RBFOX1: variants seen among roughly 807,000 people sequenced by gnomAD.
The protein encoded by RBFOX1 is RNA binding fox-1 homolog 1.
RBFOX1 carries 8 observed loss-of-function variants against 57.7 expected under a neutral mutation model. The ratio of observed to expected loss-of-function variants is 0.14; its 90% confidence interval spans 0.08 to 0.25. RBFOX1 has a LOEUF of 0.25. Among genes scored for constraint, RBFOX1 ranks in the 10% least tolerant of loss-of-function variants. RBFOX1 has a pLI of 1.00. For synonymous variants in RBFOX1, 326 were observed against 222.4 expected (o/e 1.47, Z -4.15); for missense variants, 611 against 548.5 (o/e 1.11, Z -1.14).
chr16:6,199,453 C>T (rs959636634), intron 1 of RBFOX1, among the ~76,000 whole-genome samples: 10 of 152,112 alleles, frequency 6.6e-5, no homozygotes, highest in Non-Finnish European at 1.5e-5. Context: ...TGTGTCTTTC[C>T]AGGATGAATC....
chr16:6,691,521 G>C (rs2060204949), intron 3 of RBFOX1, among the ~76,000 whole-genome samples: 1 of 151,972 alleles, frequency 6.6e-6, no homozygotes, highest in Non-Finnish European at 1.5e-5. Flanking sequence ...CTGAGTAAAT[G>C]CGTTTCGCAG....
chr16:7,604,514 T>C (rs960760424), intron 9 of RBFOX1, among the ~76,000 whole-genome samples: 1 of 152,192 alleles, frequency 6.6e-6, no homozygotes, highest in African/African-American at 2.4e-5. Flanking sequence ...TTTATTTTTT[T>C]ATGAAGAGAT....
chr16:7,308,696 C>G (rs1409273583), intron 4 of RBFOX1, among the ~76,000 whole-genome samples: 2 of 152,196 alleles, frequency 1.3e-5, no homozygotes, highest in Non-Finnish European at 2.9e-5. Context: ...ACCTGCATAT[C>G]AACCCTTTCT....
At chr16:5,778,939 AT>A (rs969022082) in intron 3 of RBFOX1, among the ~76,000 whole-genome samples, 4 of 152,106 alleles carry the variant, frequency 2.6e-5, no homozygotes, top group South Asian at 2.1e-4. Context: ...AAAGCACTCA[AT>A]TTTTTTTATT....
At chr16:7,069,789 C>G (rs947840473) in intron 4 of RBFOX1, among the ~76,000 whole-genome samples, 2 of 152,110 alleles carry the variant, frequency 1.3e-5, no homozygotes, top group Non-Finnish European at 2.9e-5. Context: ...TGGGCACTTG[C>G]TCGTTAACAA....
intron 2 of RBFOX1, among the ~76,000 whole-genome samples, chr16:5,543,238 G>C (rs2045040280): frequency 6.6e-6 from 1 of 152,088 alleles, no homozygotes; most frequent in Non-Finnish European, 1.5e-5. Context: ...AAAATGAGTA[G>C]AAACATGTAT....
At chr16:6,315,935 A>G (rs543019188) in intron 1 of RBFOX1, among the ~76,000 whole-genome samples, 16 of 152,336 alleles carry the variant, frequency 1.1e-4, no homozygotes, top group African/African-American at 3.6e-4. Flanking sequence ...ATATCTGTAT[A>G]TCTATATATC....
At chr16:7,110,012 G>A (rs2064369160) in intron 4 of RBFOX1, among the ~76,000 whole-genome samples, 1 of 152,032 alleles carries the variant, frequency 6.6e-6, no homozygotes, top group Non-Finnish European at 1.5e-5. Context: ...CTTACAGGGA[G>A]GAGGAGTTAT....
chr16:6,808,915 G>A (rs2087674091), intron 3 of RBFOX1, among the ~76,000 whole-genome samples: 3 of 152,240 alleles, frequency 2.0e-5, no homozygotes, highest in Middle Eastern at 3.4e-3. Context: ...AGATGTTAAC[G>A]CAAACTAAAT....
At chr16:7,238,042 G>A (rs963460346) in intron 4 of RBFOX1, among the ~76,000 whole-genome samples, 2 of 152,210 alleles carry the variant, frequency 1.3e-5, no homozygotes, top group African/African-American at 4.8e-5. Context: ...CTACAACATA[G>A]ATGAACCTTG....
intron 2 of RBFOX1, among the ~76,000 whole-genome samples, chr16:6,516,153 C>G (rs369561390): frequency 6.6e-6 from 1 of 152,104 alleles, no homozygotes; most frequent in African/African-American, 2.4e-5. Flanking sequence ...TTCAGCCTCC[C>G]GAGTAGCTGG....
At chr16:5,611,757 TCTTTTCAGTCTC>T (rs2047810829) in intron 3 of RBFOX1, among the ~76,000 whole-genome samples, 1 of 125,512 alleles carries the variant, frequency 8.0e-6, no homozygotes, top group Admixed American at 8.0e-5. Context: ...CATTCACCCT[TCTTTTCAGTCTC>T]CCATCCATCC....
intron 4 of RBFOX1, among the ~76,000 whole-genome samples, chr16:5,979,417 A>G (rs1359825710): frequency 1.3e-5 from 2 of 152,226 alleles, no homozygotes; most frequent in African/African-American, 2.4e-5. Flanking sequence ...CAAGAGAGGA[A>G]ACATTCATTC....
chr16:6,454,266 A>C (rs1863583366), intron 2 of RBFOX1, among the ~76,000 whole-genome samples: 1 of 152,138 alleles, frequency 6.6e-6, no homozygotes, highest in African/African-American at 2.4e-5. Flanking sequence ...CAGGATAGAA[A>C]ATTTTTATAA....
intron 4 of RBFOX1, among the ~76,000 whole-genome samples, chr16:7,202,298 T>TA (rs35437762): frequency 0.34 from 44,190 of 131,512 alleles, 7,651 homozygotes; most frequent in East Asian, 0.54. Context: ...TGGCTGCAAA[T>TA]AAAAAAAAAA....
At chr16:7,483,384 T>C (rs1392310659) in intron 4 of RBFOX1, among the ~76,000 whole-genome samples, 1 of 152,228 alleles carries the variant, frequency 6.6e-6, no homozygotes, top group Admixed American at 6.5e-5. Context: ...TTATCTCTTC[T>C]AGATTCATTT....
At chr16:5,682,392 A>C (rs558679923) in intron 3 of RBFOX1, among the ~76,000 whole-genome samples, 209 of 152,270 alleles carry the variant, frequency 1.4e-3, no homozygotes, top group African/African-American at 4.7e-3. Flanking sequence ...CGATGGAAAG[A>C]CACCTGGAAA....
chr16:5,993,573 A>G (rs897305247), intron 4 of RBFOX1, among the ~76,000 whole-genome samples: 1 of 152,020 alleles, frequency 6.6e-6, no homozygotes, highest in Admixed American at 6.6e-5. Flanking sequence ...AATGTTGGCC[A>G]TTATTCTATT....
At chr16:6,086,299 C>T (rs2152520381) in intron 1 of RBFOX1, among the ~76,000 whole-genome samples, 1 of 152,190 alleles carries the variant, frequency 6.6e-6, no homozygotes, top group Admixed American at 6.5e-5. Flanking sequence ...AAGTGCTTTC[C>T]CCGACTGTGT....
Sources: gnomAD v4.1 joint callset for allele counts (sites outside exome capture counted in the v4.1 genomes callset) on GRCh38, gnomAD v4.1.1 for gene constraint, MANE v1.5 for transcripts, NCBI Gene and HGNC (gene_info 2026-07-23, HGNC 2026-07-21) for gene names.